The following ADAM28 variants were observed in gnomAD, a reference collection of about 807,000 sequenced individuals.
ADAM28 encodes disintegrin and metalloproteinase domain-containing protein 28.
In ADAM28, 105 loss-of-function variants were observed where a neutral mutation model predicts 101.2. The ratio of observed to expected loss-of-function variants is 1.04; its 90% CI spans 0.89 to 1.22. The LOEUF is 1.22. Among genes scored for constraint, ADAM28 ranks in the 50% most tolerant of loss-of-function variants. ADAM28 has a pLI of 0.00. For missense variants in ADAM28, 1,028 were observed against 945.4 expected, an observed-to-expected ratio of 1.09 and a Z score of -1.15; for synonymous variants, 322 against 310.6, an observed-to-expected ratio of 1.04 and a Z score of -0.39.
intron 15 of ADAM28, 48 bp from the exon 16 acceptor site, chr8:24,341,550 G>A (rs11989219): frequency 0.16 from 255,652 of 1,582,126 alleles, 22,544 homozygotes; most frequent in East Asian, 0.37. Flanking sequence ...GAGCATTTAT[G>A]TAAAACTGCA....
rs925350690 is a variant in ADAM28, at chr8:24,351,158, A to G, written c.2100-74A>G. On this transcript the variant is annotated intron_variant, in intron 19 of 22. Coordinates refer to ENST00000265769, the MANE Select transcript of ADAM28 (RefSeq NM_014265.6). Reference sequence around the variant, plus strand: ...ACACAATGGGAAAAAGAAGTTGGGAATCTTCTACGGAGTTTCCCTGTCATG... The same window carrying G: ...ACACAATGGGAAAAAGAAGTTGGGAGTCTTCTACGGAGTTTCCCTGTCATG... The G allele has an allele frequency of 6.8e-5, 84 of 1,236,360 alleles. 1 individual carries two copies. In the African/African-American group the frequency reaches 1.1e-3, roughly 16 times the overall value. The allele number at this position is 1,236,360 out of a possible 1,614,324, so 76.6% of individuals were successfully genotyped here. A position where few individuals can be genotyped will look rare whatever the true frequency, so the allele number is the denominator to read the frequency against.
chr8:24,301,072 A>T (rs1221389142), intron 2 of ADAM28: 1 of 152,260 alleles, frequency 6.6e-6, no homozygotes, highest in Admixed American at 6.5e-5. Context: ...TCTGGGAGCC[A>T]GCAAGATACA....
intron 2 of ADAM28, chr8:24,308,512 T>A: frequency 2.5e-6 from 1 of 396,412 alleles, no homozygotes; most frequent in Admixed American, 2.8e-5. Context: ...GGAAGGCCAT[T>A]TCTGGTAGAA....
intron 5 of ADAM28, among the ~76,000 whole-genome samples, chr8:24,312,689 C>T (rs1810631267): frequency 6.6e-6 from 1 of 151,664 alleles, no homozygotes; most frequent in African/African-American, 2.4e-5. Context: ...GATACACATC[C>T]ATTTTCCTCA....
At chr8:24,318,043 A>G (rs1021624626) in intron 6 of ADAM28, among the ~76,000 whole-genome samples, 2 of 152,082 alleles carry the variant, frequency 1.3e-5, no homozygotes, top group Non-Finnish European at 2.9e-5. Flanking sequence ...GAGGATTTAT[A>G]GACAGAAAAA....
At chr8:24,300,164 TG>T (rs1228181200) in intron 2 of ADAM28, 87 bp downstream of exon 2, 1 of 1,116,656 alleles carries the variant, frequency 9.0e-7, no homozygotes, top group Non-Finnish European at 1.3e-6. Context: ...GAGATAGATA[TG>T]GGATTTATAC....
chr8:24,308,240 A>G (rs139288944), intron 2 of ADAM28, among the ~76,000 whole-genome samples: 3 of 152,338 alleles, frequency 2.0e-5, no homozygotes, highest in African/African-American at 7.2e-5. Flanking sequence ...GTACACAACT[A>G]GAACACACTT....
intron 2 of ADAM28, among the ~76,000 whole-genome samples, chr8:24,300,662 C>T (rs567292227): frequency 1.8e-4 from 28 of 152,178 alleles, no homozygotes; most frequent in Non-Finnish European, 2.6e-4. Flanking sequence ...GTGATCCGCC[C>T]GCCTCGGCCT....
At chr8:24,324,192 G>A (rs535524112) in intron 9 of ADAM28, among the ~76,000 whole-genome samples, 189 bp downstream of exon 9, 2 of 151,554 alleles carry the variant, frequency 1.3e-5, no homozygotes, top group African/African-American at 2.4e-5. Flanking sequence ...CAATAATTTG[G>A]CAATAATTTA....
chr8:24,297,233 C>A (rs780222661), intron 1 of ADAM28, among the ~76,000 whole-genome samples: 3 of 151,508 alleles, frequency 2.0e-5, no homozygotes, highest in Non-Finnish European at 2.9e-5. Flanking sequence ...GTTCGGCCAC[C>A]AAAAAGTTGG....
chr8:24,299,904 A>T, intron 1 of ADAM28, 70 bp from the exon 2 acceptor site: 1 of 1,135,136 alleles, frequency 8.8e-7, no homozygotes, highest in Non-Finnish European at 1.3e-6. Context: ...GAATGCAGTA[A>T]GGATGGCCTT....
At position 24,343,091 on chromosome 8, in the gene ADAM28, T is replaced by C. The variant is rs576003114; in HGVS notation, c.1831-10T>C. On this transcript the variant is annotated splice_polypyrimidine_tract_variant and intron_variant, in intron 16 of 22. Coordinates refer to ENST00000265769, the MANE Select transcript of ADAM28 (RefSeq NM_014265.6). ...AAGATGAAGCTTCATGTTTTCTACA[T>C]CACTTTCAGGTTTGCATTAATGCAG... 1 of 1,613,634 alleles carries C rather than the reference T, an allele frequency of 6.2e-7. No individual in the cohort carries two copies. Among genetic ancestry groups the C allele is most frequent in the African/African-American group, 1.3e-5 (1 of 75,012 alleles).
At chr8:24,325,845 T>A (rs1585629502) in intron 9 of ADAM28, among the ~76,000 whole-genome samples, 1 of 88,372 alleles carries the variant, frequency 1.1e-5, no homozygotes, top group Admixed American at 1.6e-4. Context: ...TAGAGACAAT[T>A]AAGGGCCAGG....
intron 2 of ADAM28, among the ~76,000 whole-genome samples, chr8:24,301,462 A>G (rs1808760256): frequency 6.6e-6 from 1 of 152,204 alleles, no homozygotes; most frequent in African/African-American, 2.4e-5. Context: ...GTATCCCCTG[A>G]ATCTAAAATA....
intron 2 of ADAM28, among the ~76,000 whole-genome samples, chr8:24,306,349 CAAAT>C (rs1327331486): frequency 3.7e-5 from 4 of 106,718 alleles, no homozygotes; most frequent in Non-Finnish European, 3.6e-5. Context: ...ATCTCAAATA[CAAAT>C]AAATAAATAA....
Position 24,341,695 on chromosome 8 carries a change from C to T in ADAM28, c.1768C>T (p.Pro590Ser). The change falls in exon 16 of 23, where the codon CCT becomes TCT. Residue 590 changes from proline (P) to serine (S), a missense_variant. Transcript: ENST00000265769. ...TTTCCTGACATGTAAAACATTTGATCCTGAAGACACAAGTCAAGAAATAGG... is the reference window on the plus strand; with the variant it reads ...TTTCCTGACATGTAAAACATTTGATTCTGAAGACACAAGTCAAGAAATAGG... ...VTFLTCKTFD[P>S]EDTSQEIGMV... is the part of the protein sequence containing the mutation. 6.2e-7 allele frequency: 1 copy of T among 1,613,802 alleles called. No individual in the cohort carries two copies. The highest frequency in any genetic ancestry group is 2.2e-5 in the East Asian group (1 of 44,862).
intron 13 of ADAM28, among the ~76,000 whole-genome samples, chr8:24,333,770 C>A (rs1813669766): frequency 6.6e-6 from 1 of 152,028 alleles, no homozygotes; most frequent in African/African-American, 2.4e-5. Context: ...CTAAATATGC[C>A]ATTTCATGTT....
intron 18 of ADAM28, among the ~76,000 whole-genome samples, chr8:24,349,630 T>A (rs1384736256): frequency 6.6e-6 from 1 of 152,236 alleles, no homozygotes; most frequent in Non-Finnish European, 1.5e-5. Flanking sequence ...AATATTATGA[T>A]TTTTAACTTA....
intron 10 of ADAM28, among the ~76,000 whole-genome samples, chr8:24,329,287 A>T (rs1813032650): frequency 6.6e-6 from 1 of 152,132 alleles, no homozygotes; most frequent in South Asian, 2.1e-4. Context: ...CTTTGAGATG[A>T]AGTAGATAAG....
Sources: gnomAD v4.1 joint callset for allele counts (sites outside exome capture counted in the v4.1 genomes callset) on GRCh38, gnomAD v4.1.1 for gene constraint, MANE v1.5 for transcripts, NCBI Gene and HGNC (gene_info 2026-07-23, HGNC 2026-07-21) for gene names.